PNLIPRP1: variants seen among roughly 807,000 people sequenced by gnomAD.
PNLIPRP1 encodes pancreatic lipase related protein 1.
Under a neutral mutation model 54.6 loss-of-function variants are expected in PNLIPRP1, and 57 were observed. The ratio of observed to expected loss-of-function variants is 1.04; its 90% CI spans 0.84 to 1.30. The LOEUF (loss-of-function observed/expected upper bound fraction) is 1.30, where lower values mean the gene tolerates loss of function less well. Ranked by LOEUF, PNLIPRP1 falls within the 50% of genes most tolerant of loss-of-function variation. PNLIPRP1 has a pLI of 0.00. For synonymous variants in PNLIPRP1, 232 were observed against 208.8 expected (o/e 1.11, Z -0.96); for missense variants, 567 against 568.5 (o/e 1.00, Z 0.03).
At chr10:116,606,194 G>A (rs540984797) in intron 12 of PNLIPRP1, among the ~76,000 whole-genome samples, 10 of 152,294 alleles carry the variant, frequency 6.6e-5, no homozygotes, top group Admixed American at 2.6e-4. Flanking sequence ...CTCAGCCACC[G>A]ATGTTCTTGA....
Position 116,600,045 on chromosome 10 carries a change from AG to A in PNLIPRP1, c.815del, listed in dbSNP as rs782651844. Reference sequence around the variant, plus strand: ...TTCAGGTCTCCTTATTTGTTTTCCCAGGAACCCGGGACTTTGTGGCTTGCAA... The same window carrying A: ...TTCAGGTCTCCTTATTTGTTTTCCCAGAACCCGGGACTTTGTGGCTTGCAA... On this transcript the variant is annotated splice_acceptor_variant, in intron 8 of 12. Coordinates refer to ENST00000358834, the MANE Select transcript of PNLIPRP1 (RefSeq NM_006229.4). LOFTEE classifies it high-confidence loss of function. 1.7e-4 allele frequency: 274 copies of A among 1,608,256 alleles called. No homozygotes were observed. Among genetic ancestry groups the A allele is most frequent in the Non-Finnish European group, 2.1e-4 (245 of 1,174,824 alleles).
At chr10:116,598,993 G>A (rs945110492) in intron 8 of PNLIPRP1, among the ~76,000 whole-genome samples, 1 of 152,164 alleles carries the variant, frequency 6.6e-6, no homozygotes, top group Non-Finnish European at 1.5e-5. Flanking sequence ...GGTGGCTCAC[G>A]CCTATAATCC....
rs139543611 is a variant in PNLIPRP1, at chr10:116,606,622, T to C, written c.1340+1069T>C. On this transcript the variant is annotated intron_variant, in intron 12 of 12. Coordinates refer to ENST00000358834, the MANE Select transcript of PNLIPRP1 (RefSeq NM_006229.4). Reference sequence around the variant, plus strand: ...AAAAACATGTCAGGTGGTGGCATCATTGGAATCTTAAAAATTAGAGGTGTT... The same window carrying C: ...AAAAACATGTCAGGTGGTGGCATCACTGGAATCTTAAAAATTAGAGGTGTT... Among the ~76,000 whole-genome samples the C allele has an allele frequency of 8.5e-5, 13 of 152,316 alleles. No homozygotes were observed. The East Asian group carries it at 1.2e-3, about 14-fold the overall frequency.
intron 3 of PNLIPRP1, 190 bp from the exon 4 acceptor site, chr10:116,592,226 T>G (rs536315772): frequency 7.6e-5 from 51 of 667,170 alleles, no homozygotes; most frequent in African/African-American, 6.7e-4. Flanking sequence ...AATCCAGGCC[T>G]AGTGGAAGCA....
At chr10:116,594,474 C>T in intron 4 of PNLIPRP1, 2 of 570,114 alleles carry the variant, frequency 3.5e-6, no homozygotes, top group South Asian at 3.6e-5. Context: ...ACCAACCTTA[C>T]TGAATTTGGT....
At chr10:116,599,986 G>T in intron 8 of PNLIPRP1, 61 bp from the exon 9 acceptor site, 1 of 1,009,384 alleles carries the variant, frequency 9.9e-7, no homozygotes, top group South Asian at 1.3e-5. Flanking sequence ...TGGAGAGAGA[G>T]GCAGAGAAGC....
At chr10:116,608,364 T>C (rs1847972252) in intron 12 of PNLIPRP1, among the ~76,000 whole-genome samples, 2 of 152,202 alleles carry the variant, frequency 1.3e-5, no homozygotes, top group South Asian at 4.2e-4. Context: ...AGCACTCAAA[T>C]GTGGGAGGGA....
intron 10 of PNLIPRP1, among the ~76,000 whole-genome samples, chr10:116,601,524 G>A (rs969467639): frequency 6.6e-6 from 1 of 152,150 alleles, no homozygotes; most frequent in Admixed American, 6.5e-5. Context: ...TTTTAAGGCC[G>A]CATCAGACAC....
chr10:116,592,728 C>T (rs1554863421), intron 4 of PNLIPRP1, 187 bp downstream of exon 4: 3 of 730,530 alleles, frequency 4.1e-6, no homozygotes, highest in Non-Finnish European at 2.4e-6. Context: ...GAAGCAACCA[C>T]ATTTGCTGTT....
intron 12 of PNLIPRP1, among the ~76,000 whole-genome samples, chr10:116,607,776 T>G (rs1163193360): frequency 6.6e-6 from 1 of 152,178 alleles, no homozygotes; most frequent in Non-Finnish European, 1.5e-5. Flanking sequence ...TGCTTACATC[T>G]GCATTGTTTT....
intron 10 of PNLIPRP1, among the ~76,000 whole-genome samples, chr10:116,602,165 G>T (rs992537583): frequency 2.0e-5 from 3 of 151,972 alleles, no homozygotes; most frequent in Non-Finnish European, 2.9e-5. Flanking sequence ...ACAGGCGCCC[G>T]CCACCATGCC....
In PNLIPRP1 at chr10:116,600,117, C is replaced by A; in HGVS notation, c.885C>A (p.Pro295=). ...YKYYLESILN[P]DGFAAYPCTS... ...ATTACTTGGAAAGCATCCTCAATCC[C>A]GATGGGTTTGCTGCATATCCCTGCA... The change falls in exon 9 of 13, where the codon CCC becomes CCA. Residue 295 remains proline, a synonymous_variant. Coordinates refer to ENST00000358834, the MANE Select transcript of PNLIPRP1 (RefSeq NM_006229.4). 1 of 1,613,882 alleles carries A rather than the reference C, an allele frequency of 6.2e-7. No individual in the cohort carries two copies.
chr10:116,599,888 T>A (rs1364395166), intron 8 of PNLIPRP1, among the ~76,000 whole-genome samples, 159 bp from the exon 9 acceptor site: 2 of 152,188 alleles, frequency 1.3e-5, no homozygotes, highest in Non-Finnish European at 2.9e-5. Flanking sequence ...GAAAGCACCC[T>A]CTATATGTTA....
intron 10 of PNLIPRP1, among the ~76,000 whole-genome samples, chr10:116,602,134 G>C (rs1228632547): frequency 6.6e-6 from 1 of 151,626 alleles, no homozygotes; most frequent in African/African-American, 2.4e-5. Context: ...TCCTGCCTCA[G>C]CCTCCCGAGT....
At chr10:116,599,508 T>C (rs1282950005) in intron 8 of PNLIPRP1, among the ~76,000 whole-genome samples, 3 of 152,148 alleles carry the variant, frequency 2.0e-5, no homozygotes, top group Admixed American at 6.5e-5. Context: ...GTGAAGCTCA[T>C]ACAAAACCAC....
chr10:116,597,417 A>G (rs1377589926), intron 6 of PNLIPRP1, among the ~76,000 whole-genome samples: 1 of 152,164 alleles, frequency 6.6e-6, no homozygotes. Context: ...AAAGCAGCTG[A>G]GTAGGAATTT....
chr10:116,606,281 A>C (rs1384905579), intron 12 of PNLIPRP1, among the ~76,000 whole-genome samples: 3 of 152,072 alleles, frequency 2.0e-5, no homozygotes, highest in Non-Finnish European at 4.4e-5. Flanking sequence ...GTGGGGTGGC[A>C]GAGTAGAATG....
intron 4 of PNLIPRP1, chr10:116,594,232 T>C (rs976147755): frequency 3.4e-5 from 15 of 439,932 alleles, no homozygotes; most frequent in Admixed American, 1.1e-4. Context: ...AGTTCTATTT[T>C]TCAAATATCT....
chr10:116,607,491 AG>A (rs1464590288), intron 12 of PNLIPRP1, among the ~76,000 whole-genome samples: 1 of 152,214 alleles, frequency 6.6e-6, no homozygotes, highest in Admixed American at 6.5e-5. Flanking sequence ...AAGGAAGGGC[AG>A]CTCTCAGGAT....
Sources: allele counts gnomAD v4.1 joint callset (sites outside exome capture counted in the v4.1 genomes callset), GRCh38; gene constraint gnomAD v4.1.1; transcripts MANE v1.5; gene names NCBI Gene and HGNC (gene_info 2026-07-23, HGNC 2026-07-21).